Variants in MAGI2 observed in about 807,000 individuals in gnomAD.
The protein encoded by MAGI2 is membrane associated guanylate kinase, WW and PDZ domain containing 2.
A neutral mutation model predicts 133.3 loss-of-function variants in MAGI2; 35 were observed. The ratio of observed to expected loss-of-function variants is 0.26; its 90% confidence interval spans 0.20 to 0.35. MAGI2 has a LOEUF of 0.35. Among genes scored for constraint, MAGI2 ranks in the 10% least tolerant of loss-of-function variants. MAGI2 has a pLI of 1.00. For synonymous variants in MAGI2, 729 were observed against 710.6 expected (o/e 1.03, Z -0.41); for missense variants, 1,636 against 1,863.4 (o/e 0.88, Z 2.25).
chr7:78,925,510 A>C (rs1799626617), intron 2 of MAGI2, among the ~76,000 whole-genome samples: 1 of 152,054 alleles, frequency 6.6e-6, no homozygotes, highest in Non-Finnish European at 1.5e-5. Flanking sequence ...AATAGGTCTC[A>C]AAGTGTGGCC....
At chr7:78,054,261 G>A (rs143885151) in intron 21 of MAGI2, among the ~76,000 whole-genome samples, 3 of 152,142 alleles carry the variant, frequency 2.0e-5, no homozygotes, top group African/African-American at 4.8e-5. Flanking sequence ...GAGTAGCTGC[G>A]ACTACAAGTG....
chr7:78,705,019 G>A (rs765094930), intron 2 of MAGI2, among the ~76,000 whole-genome samples: 6 of 151,992 alleles, frequency 3.9e-5, no homozygotes, highest in Non-Finnish European at 7.4e-5. Context: ...GAGGGTGAGC[G>A]GAGGGTATAT....
At chr7:78,613,891 T>A (rs1806760022) in intron 3 of MAGI2, among the ~76,000 whole-genome samples, 1 of 152,006 alleles carries the variant, frequency 6.6e-6, no homozygotes, top group Non-Finnish European at 1.5e-5. Context: ...GGTGGATTAC[T>A]TGAGGTCAGG....
intron 5 of MAGI2, among the ~76,000 whole-genome samples, chr7:78,493,917 A>G (rs1338627365): frequency 6.6e-6 from 1 of 152,138 alleles, no homozygotes; most frequent in Non-Finnish European, 1.5e-5. Context: ...ATACCACTGG[A>G]AAGTTTTCTC....
chr7:78,466,414 T>C (rs530878450), intron 6 of MAGI2, among the ~76,000 whole-genome samples: 3 of 152,236 alleles, frequency 2.0e-5, no homozygotes, highest in Non-Finnish European at 4.4e-5. Flanking sequence ...AATCAGTGAT[T>C]GCGTCCATTC....
intron 6 of MAGI2, among the ~76,000 whole-genome samples, chr7:78,436,682 A>C (rs1800318271): frequency 6.6e-6 from 1 of 152,166 alleles, no homozygotes; most frequent in Non-Finnish European, 1.5e-5. Context: ...GTTGCTGATT[A>C]TAATTGCCCT....
chr7:78,993,664 C>A (rs1400676966), intron 2 of MAGI2, among the ~76,000 whole-genome samples: 1 of 151,892 alleles, frequency 6.6e-6, no homozygotes, highest in African/African-American at 2.4e-5. Context: ...TCCTGGGGAT[C>A]TAGTCTGCAA....
intron 1 of MAGI2, among the ~76,000 whole-genome samples, chr7:79,380,892 A>C (rs538233449): frequency 6.6e-6 from 1 of 151,922 alleles, no homozygotes; most frequent in African/African-American, 2.4e-5. Context: ...GGCAGTAAAC[A>C]TTGTTTTAAA....
chr7:78,841,018 T>C (rs903174215), intron 2 of MAGI2, among the ~76,000 whole-genome samples: 1 of 152,056 alleles, frequency 6.6e-6, no homozygotes, highest in Non-Finnish European at 1.5e-5. Flanking sequence ...CTTCTCCATC[T>C]TCACTGGCTC....
chr7:79,058,634 A>G (rs1237249548), intron 1 of MAGI2, among the ~76,000 whole-genome samples: 2 of 152,172 alleles, frequency 1.3e-5, no homozygotes, highest in African/African-American at 4.8e-5. Flanking sequence ...ATTAGAGCAG[A>G]CATCAGCAAA....
At chr7:79,323,847 T>C (rs570454246) in intron 1 of MAGI2, among the ~76,000 whole-genome samples, 1 of 152,274 alleles carries the variant, frequency 6.6e-6, no homozygotes, top group South Asian at 2.1e-4. Flanking sequence ...TGATAATCCC[T>C]GGACAGCAAG....
chr7:79,217,269 T>C (rs1401433892), intron 1 of MAGI2, among the ~76,000 whole-genome samples: 1 of 151,454 alleles, frequency 6.6e-6, no homozygotes, highest in Non-Finnish European at 1.5e-5. Context: ...AATAGCAACC[T>C]CAGTGAATGT....
chr7:78,597,650 T>C (rs1437752377), intron 3 of MAGI2, among the ~76,000 whole-genome samples: 1 of 152,206 alleles, frequency 6.6e-6, no homozygotes, highest in Admixed American at 6.5e-5. Flanking sequence ...AAACTGCCCT[T>C]ATCCTTCCTG....
intron 1 of MAGI2, among the ~76,000 whole-genome samples, chr7:79,303,763 T>C (rs935622018): frequency 1.3e-5 from 2 of 152,186 alleles, no homozygotes; most frequent in African/African-American, 4.8e-5. Context: ...ACATCATGAA[T>C]TGATAGCCCA....
chr7:79,138,574 TC>T (rs1821810594), intron 1 of MAGI2, among the ~76,000 whole-genome samples: 1 of 152,162 alleles, frequency 6.6e-6, no homozygotes. Context: ...TGAAGGGAAT[TC>T]CCCTAAAATT....
chr7:78,379,133 A>G (rs999111684), intron 6 of MAGI2, among the ~76,000 whole-genome samples: 2 of 152,046 alleles, frequency 1.3e-5, no homozygotes, highest in African/African-American at 4.8e-5. Context: ...CTAAATACAG[A>G]AATAAATAAA....
chr7:78,512,979 T>G (rs2150562648), intron 4 of MAGI2, among the ~76,000 whole-genome samples: 1 of 152,214 alleles, frequency 6.6e-6, no homozygotes, highest in South Asian at 2.1e-4. Flanking sequence ...TCTAAAGATA[T>G]TTATCATAAA....
chr7:78,441,716 C>T (rs193113812), intron 6 of MAGI2, among the ~76,000 whole-genome samples: 14 of 151,390 alleles, frequency 9.2e-5, no homozygotes, highest in Non-Finnish European at 1.0e-4. Context: ...AATACCATGA[C>T]CAAAGCATCC....
In MAGI2 at chr7:78,646,479, C is replaced by A. The variant is rs17151238; in HGVS notation, c.419-19240G>T. On this transcript the variant is annotated intron_variant, in intron 2 of 21. Coordinates refer to ENST00000354212, the MANE Select transcript of MAGI2 (RefSeq NM_012301.4). The stretch of plus-strand genomic sequence containing the variant: ...CGACTATGTAAATTTAGCATGTTTT[C>A]TCTCCTACCAGTGAAACATTAGTAA... Among the ~76,000 whole-genome samples, 896 of 152,198 alleles carry A rather than the reference C, an allele frequency of 5.9e-3. 25 individuals carry two copies. In the East Asian group the frequency reaches 0.079, roughly 13 times the overall value.
Sources: allele counts gnomAD v4.1 joint callset (sites outside exome capture counted in the v4.1 genomes callset), GRCh38; gene constraint gnomAD v4.1.1; transcripts MANE v1.5; gene names NCBI Gene and HGNC (gene_info 2026-07-23, HGNC 2026-07-21).